The following RABGAP1 variants were observed in gnomAD, a reference collection of about 807,000 sequenced individuals.
RABGAP1 encodes RAB GTPase activating protein 1.
RABGAP1 carries 23 observed loss-of-function variants against 137.6 expected under a neutral mutation model. That is an observed-to-expected ratio of 0.17 (90% CI 0.12 to 0.24). The LOEUF is 0.24. Ranked by LOEUF, RABGAP1 falls within the 10% of genes least tolerant of loss-of-function variation. RABGAP1 has a pLI of 1.00. For synonymous variants in RABGAP1, 451 were observed against 450.7 expected, an observed-to-expected ratio of 1.00 and a Z score of -0.01; for missense variants, 906 against 1,275.8, an observed-to-expected ratio of 0.71 and a Z score of 4.42.
intron 1 of RABGAP1, among the ~76,000 whole-genome samples, chr9:122,943,072 C>CTTTT (rs10582436): frequency 3.4e-5 from 4 of 116,174 alleles, no homozygotes; most frequent in African/African-American, 1.3e-4. Context: ...GGTGCACTTT[C>CTTTT]TTTTTTTTTT....
chr9:123,027,143 T>G (rs2032023248), intron 13 of RABGAP1, among the ~76,000 whole-genome samples: 1 of 143,396 alleles, frequency 7.0e-6, no homozygotes, highest in Non-Finnish European at 1.5e-5. Context: ...GGACTCTCGC[T>G]CTCTCGCTCT....
intron 1 of RABGAP1, among the ~76,000 whole-genome samples, chr9:122,953,435 C>T (rs1456733765): frequency 6.7e-6 from 1 of 149,802 alleles, no homozygotes; most frequent in Non-Finnish European, 1.5e-5. Context: ...CAGAGTCTTG[C>T]TCTGTTGCCA....
chr9:122,934,461 TTGTG>T, the RABGAP1 span, among the ~76,000 whole-genome samples: 2 of 152,100 alleles, frequency 1.3e-5, no homozygotes, highest in African/African-American at 2.4e-5. Flanking sequence ...AGCATGTGGA[TTGTG>T]TGTGTGTGTT....
At chr9:122,937,594 C>A (rs1833406192), upstream of RABGAP1, 1 of 145,982 alleles carries the variant, frequency 6.9e-6, no homozygotes. Flanking sequence ...GAGACTCTAT[C>A]TCCAAAAAAA....
At chr9:123,072,241 T>C (rs571201082) in intron 15 of RABGAP1, among the ~76,000 whole-genome samples, 3 of 152,336 alleles carry the variant, frequency 2.0e-5, no homozygotes, top group Admixed American at 1.3e-4. Flanking sequence ...TTTTCAGATA[T>C]GGGTTGCTCA....
chr9:123,089,256 C>T (rs1052195690), intron 19 of RABGAP1, among the ~76,000 whole-genome samples: 3 of 152,116 alleles, frequency 2.0e-5, no homozygotes, highest in African/African-American at 7.2e-5. Flanking sequence ...TGGAGTCCAA[C>T]TGCCAGGGCT....
At chr9:123,077,638 T>C (rs1159130878) in intron 19 of RABGAP1, among the ~76,000 whole-genome samples, 1 of 146,754 alleles carries the variant, frequency 6.8e-6, no homozygotes, top group East Asian at 2.0e-4. Context: ...TGTATTGTAT[T>C]GTATTGTATT....
At chr9:123,004,273 A>G (rs530939963) in intron 10 of RABGAP1, among the ~76,000 whole-genome samples, 1 of 152,246 alleles carries the variant, frequency 6.6e-6, no homozygotes, top group South Asian at 2.1e-4. Context: ...GCAACTTCCA[A>G]ATATCCTGTA....
At chr9:123,023,039 C>A (rs1048783894) in intron 13 of RABGAP1, among the ~76,000 whole-genome samples, 1 of 152,066 alleles carries the variant, frequency 6.6e-6, no homozygotes, top group South Asian at 2.1e-4. Flanking sequence ...AAATACACTG[C>A]GGTGACCACT....
chr9:123,023,800 ATAAAG>A (rs1379173065), intron 13 of RABGAP1, among the ~76,000 whole-genome samples: 4 of 152,228 alleles, frequency 2.6e-5, no homozygotes, highest in Non-Finnish European at 5.9e-5. Context: ...ACTAATTTCT[ATAAAG>A]TATTTATTCT....
intron 2 of RABGAP1, among the ~76,000 whole-genome samples, chr9:122,960,666 A>G (rs1834805710): frequency 6.6e-6 from 1 of 152,236 alleles, no homozygotes; most frequent in Non-Finnish European, 1.5e-5. Context: ...CCGTTAAAAA[A>G]GCAAGCTACA....
At position 122,990,058 on chromosome 9, in the gene RABGAP1, A is replaced by T; in HGVS notation, c.768A>T (p.Val256=). 6.3e-7 allele frequency: 1 copy of T among 1,597,888 alleles called. No individual in the cohort carries two copies. The highest frequency in any genetic ancestry group is 8.6e-7 in the Non-Finnish European group (1 of 1,169,448). Residue 256 remains valine, a splice_region_variant and synonymous_variant, in exon 6 of 26, where the codon GTA becomes GTT. Transcript: ENST00000373647. ...TTTCCTAACATGTCTGGTTGTAGGT[A>T]AGCCGGATACTTTACAGTTTTGCCA... The part of the protein sequence containing the change: ...HVFRCEIQEA[V]SRILYSFATA...
At chr9:123,051,285 C>G (rs1352386973) in intron 13 of RABGAP1, among the ~76,000 whole-genome samples, 1 of 108,940 alleles carries the variant, frequency 9.2e-6, no homozygotes, top group Non-Finnish European at 1.7e-5. Flanking sequence ...TTCACTCTTA[C>G]TGCCCAGGCT....
At chr9:123,041,186 C>G (rs2032934541) in intron 13 of RABGAP1, among the ~76,000 whole-genome samples, 1 of 152,160 alleles carries the variant, frequency 6.6e-6, no homozygotes, top group Admixed American at 6.5e-5. Context: ...ACTGTAAGAG[C>G]TAGTGACTGT....
chr9:122,973,710 T>G lies in RABGAP1; in HGVS notation c.151-10775T>G, dbSNP rs187289250. Among the ~76,000 whole-genome samples the G allele has an allele frequency of 2.9e-3, 444 of 152,286 alleles. 2 individuals are homozygous for G. Among genetic ancestry groups the G allele is most frequent in the African/African-American group, 0.01 (420 of 41,578 alleles). ...TCTGATTTGGTTTCTGATACTGCTTTTTTAGAACCTGATAATCTGCTGGAC... is the reference window on the plus strand; with the variant it reads ...TCTGATTTGGTTTCTGATACTGCTTGTTTAGAACCTGATAATCTGCTGGAC... On this transcript the variant is annotated intron_variant, in intron 2 of 25. Coordinates refer to ENST00000373647, the MANE Select transcript of RABGAP1 (RefSeq NM_012197.4).
chr9:123,083,371 T>C (rs956168199), intron 19 of RABGAP1, among the ~76,000 whole-genome samples: 13 of 152,364 alleles, frequency 8.5e-5, no homozygotes, highest in Admixed American at 3.3e-4. Flanking sequence ...TTTATTTCTT[T>C]GCTTGTTCCT....
chr9:123,082,654 A>G (rs934359214), intron 19 of RABGAP1, among the ~76,000 whole-genome samples: 2 of 152,200 alleles, frequency 1.3e-5, no homozygotes, highest in Admixed American at 1.3e-4. Context: ...ATTTTGCCAT[A>G]GAATCCTGCT....
At chr9:122,962,854 G>A (rs546831755) in intron 2 of RABGAP1, among the ~76,000 whole-genome samples, 280 of 152,246 alleles carry the variant, frequency 1.8e-3, no homozygotes, top group Non-Finnish European at 3.5e-3. Context: ...TTTAGGTTTA[G>A]AGATACAAAT....
At chr9:122,959,275 T>A (rs2131632262) in intron 2 of RABGAP1, among the ~76,000 whole-genome samples, 1 of 127,026 alleles carries the variant, frequency 7.9e-6, no homozygotes, top group Admixed American at 1.1e-4. Context: ...GTGAACAAAG[T>A]AAAAAGCAGT....
Sources: allele counts gnomAD v4.1 joint callset (sites outside exome capture counted in the v4.1 genomes callset), GRCh38; gene constraint gnomAD v4.1.1; transcripts MANE v1.5; gene names NCBI Gene and HGNC (gene_info 2026-07-23, HGNC 2026-07-21).